The following ASIC2 variants were observed in gnomAD, a reference collection of about 807,000 sequenced individuals.
ASIC2 encodes acid-sensing ion channel 2.
Under a neutral mutation model 57.3 loss-of-function variants are expected in ASIC2, and 25 were observed. That is an observed-to-expected ratio of 0.44 (90% CI 0.32 to 0.61). The LOEUF is 0.61. ASIC2 is among the 20% of genes least tolerant of loss of function. The pLI is 0.06. For synonymous variants in ASIC2, 319 were observed against 307.5 expected (o/e 1.04, Z -0.39); for missense variants, 641 against 738.1 (o/e 0.87, Z 1.52).
At chr17:33,776,808 GT>G (rs1296628753) in intron 1 of ASIC2, among the ~76,000 whole-genome samples, 1 of 152,196 alleles carries the variant, frequency 6.6e-6, no homozygotes, top group Non-Finnish European at 1.5e-5. Context: ...TAGAATTTGA[GT>G]TTTCGGATAC....
At chr17:33,313,569 C>T (rs1597678437) in intron 1 of ASIC2, among the ~76,000 whole-genome samples, 1 of 152,242 alleles carries the variant, frequency 6.6e-6, no homozygotes, top group East Asian at 1.9e-4. Context: ...CTTTATCATT[C>T]TCTACAAATC....
intron 1 of ASIC2, among the ~76,000 whole-genome samples, chr17:33,212,341 G>A (rs2142089292): frequency 6.6e-6 from 1 of 152,268 alleles, no homozygotes; most frequent in Non-Finnish European, 1.5e-5. Flanking sequence ...AAGAGGAGAT[G>A]GCACCTACGA....
rs143885401 is a variant in ASIC2 at position 34,008,764 on chromosome 17, C to A, written c.555+147214G>T. Among the ~76,000 whole-genome samples, 12 of 152,358 alleles carry A rather than the reference C, an allele frequency of 7.9e-5. No homozygotes were observed. In the East Asian group the frequency reaches 2.3e-3, roughly 29 times the overall value. On this transcript the variant is annotated intron_variant, in intron 1 of 9. Transcript: ENST00000359872. The stretch of plus-strand genomic sequence containing the variant: ...GAGAGTTCCAGAAACCCTTCTCCAG[C>A]ACCCTGGTTCTTCCTTGCCCAAAGC...
chr17:33,680,194 G>A (rs1253592166), intron 1 of ASIC2, among the ~76,000 whole-genome samples: 2 of 152,078 alleles, frequency 1.3e-5, no homozygotes, highest in Non-Finnish European at 2.9e-5. Context: ...ATTCTTTCTG[G>A]AGCAATTGGA....
intron 1 of ASIC2, among the ~76,000 whole-genome samples, chr17:33,567,994 C>T (rs1277829890): frequency 1.3e-5 from 2 of 152,092 alleles, no homozygotes; most frequent in Admixed American, 1.3e-4. Flanking sequence ...CATGGATATC[C>T]TTCTTTTCAT....
At chr17:33,475,465 A>G (rs770583245) in intron 1 of ASIC2, among the ~76,000 whole-genome samples, 16 of 152,208 alleles carry the variant, frequency 1.1e-4, no homozygotes, top group Non-Finnish European at 1.8e-4. Context: ...TTACCATTAC[A>G]TTATAAATAT....
chr17:33,939,148 T>C (rs944336391), intron 1 of ASIC2, among the ~76,000 whole-genome samples: 1 of 152,242 alleles, frequency 6.6e-6, no homozygotes, highest in African/African-American at 2.4e-5. Context: ...ATTTCTGTTG[T>C]TCTCCATAGC....
intron 1 of ASIC2, among the ~76,000 whole-genome samples, chr17:33,321,396 G>T (rs1393097668): frequency 6.6e-6 from 1 of 152,096 alleles, no homozygotes. Context: ...GCTCAGAAAG[G>T]AAATCAACTT....
intron 1 of ASIC2, among the ~76,000 whole-genome samples, chr17:33,200,359 G>A (rs752920641): frequency 1.3e-5 from 2 of 152,110 alleles, no homozygotes; most frequent in Non-Finnish European, 2.9e-5. Flanking sequence ...TCTGTATGCT[G>A]AGGACTCACG....
intron 1 of ASIC2, among the ~76,000 whole-genome samples, chr17:33,868,543 G>A (rs1728398146): frequency 6.6e-6 from 1 of 152,104 alleles, no homozygotes; most frequent in South Asian, 2.1e-4. Context: ...CCTTGGGTTA[G>A]AGAATGTTTT....
chr17:33,538,918 A>C (rs1390322980), intron 1 of ASIC2, among the ~76,000 whole-genome samples: 2 of 152,202 alleles, frequency 1.3e-5, no homozygotes, highest in Non-Finnish European at 2.9e-5. Flanking sequence ...TAAATCTATA[A>C]AGTGCATTTT....
At chr17:33,248,193 G>A (rs894233544) in intron 1 of ASIC2, among the ~76,000 whole-genome samples, 3 of 152,146 alleles carry the variant, frequency 2.0e-5, no homozygotes, top group African/African-American at 4.8e-5. Context: ...GCTATCTCAC[G>A]AAAGAACATT....
chr17:33,277,941 A>T (rs1904772039), intron 1 of ASIC2, among the ~76,000 whole-genome samples: 1 of 152,178 alleles, frequency 6.6e-6, no homozygotes, highest in Admixed American at 6.5e-5. Context: ...AGCCAGATGT[A>T]CCCACAGTAC....
At chr17:33,909,361 A>G (rs1597925719) in intron 1 of ASIC2, among the ~76,000 whole-genome samples, 1 of 152,242 alleles carries the variant, frequency 6.6e-6, no homozygotes, top group East Asian at 1.9e-4. Context: ...TTTTGAAAAT[A>G]AAAGAAGCAA....
intron 1 of ASIC2, among the ~76,000 whole-genome samples, chr17:33,663,449 G>T (rs74371021): frequency 6.1e-5 from 9 of 147,542 alleles, no homozygotes; most frequent in African/African-American, 2.2e-4. Flanking sequence ...TAATGCCGTC[G>T]TTTTTTTTTT....
intron 1 of ASIC2, among the ~76,000 whole-genome samples, chr17:33,522,367 A>G (rs895375465): frequency 2.6e-5 from 4 of 152,188 alleles, no homozygotes; most frequent in Non-Finnish European, 2.9e-5. Flanking sequence ...TCCCTGCAGG[A>G]GTGAGCTGAA....
chr17:33,879,518 A>T (rs564596461), intron 1 of ASIC2, among the ~76,000 whole-genome samples: 1 of 152,356 alleles, frequency 6.6e-6, no homozygotes, highest in South Asian at 2.1e-4. Context: ...AGGCCATTAC[A>T]TAATGGTAAA....
At chr17:33,711,207 G>T (rs1202231713) in intron 1 of ASIC2, among the ~76,000 whole-genome samples, 2 of 152,232 alleles carry the variant, frequency 1.3e-5, no homozygotes, top group East Asian at 3.8e-4. Flanking sequence ...CTGCAGCCCA[G>T]CCTGGAGCCC....
chr17:33,052,350 C>T (rs1347479493), intron 3 of ASIC2: 2 of 152,212 alleles, frequency 1.3e-5, no homozygotes, highest in Non-Finnish European at 2.9e-5. Flanking sequence ...AGCTAAACAG[C>T]TTTGATCATG....
Sources: allele counts gnomAD v4.1 joint callset (sites outside exome capture counted in the v4.1 genomes callset), GRCh38; gene constraint gnomAD v4.1.1; transcripts MANE v1.5; gene names NCBI Gene and HGNC (gene_info 2026-07-23, HGNC 2026-07-21).